ITCH: variants seen among roughly 807,000 people sequenced by gnomAD.
The protein encoded by ITCH is itchy E3 ubiquitin protein ligase.
In ITCH, 28 loss-of-function variants were observed where a neutral mutation model predicts 126.8. The observed-to-expected ratio is 0.22, with a 90% CI of 0.16 to 0.30. The LOEUF is 0.30. Among genes scored for constraint, ITCH ranks in the 10% least tolerant of loss-of-function variants. The pLI, the probability that ITCH is intolerant of heterozygous loss-of-function variation, is 1.00. For missense variants in ITCH, 631 were observed against 1,032.4 expected (o/e 0.61, Z 5.33); for synonymous variants, 342 against 340.0 (o/e 1.01, Z -0.06).
At position 34,508,530 on chromosome 20, in the gene ITCH, G is replaced by C. The variant is rs1259737302; in HGVS notation, c.*736G>C. 6.5e-6 allele frequency: 1 copy of C among 153,038 alleles called. No homozygotes were observed. Among genetic ancestry groups the C allele is most frequent in the Non-Finnish European group, 1.5e-5 (1 of 68,742 alleles). 9.5% of individuals were successfully genotyped at this position (153,038 alleles called of 1,614,324 possible). ...CATTGTTTTAAGAAGTTAACCTAGG[G>C]CCGGGCATGGTGGCTCATACCTGTA... is the stretch of plus-strand genomic sequence containing the variant. On this transcript the variant is annotated 3_prime_UTR_variant, in exon 25 of 25. Coordinates refer to ENST00000374864, the MANE Select transcript of ITCH (RefSeq NM_031483.7).
intron 24 of ITCH, among the ~76,000 whole-genome samples, chr20:34,507,250 CTT>C (rs1383383817): frequency 3.1e-4 from 35 of 112,110 alleles, no homozygotes; most frequent in Admixed American, 5.5e-4. Flanking sequence ...CTTTTCAACT[CTT>C]GTTTTCTTCT....
chr20:34,424,424 A>T, intron 6 of ITCH, 56 bp from the exon 7 acceptor site: 2 of 1,395,754 alleles, frequency 1.4e-6, no homozygotes, highest in Non-Finnish European at 2.0e-6. Flanking sequence ...AGAAAAGAAA[A>T]AACATGAAAA....
chr20:34,501,944 A>G (rs1416043564), intron 23 of ITCH, among the ~76,000 whole-genome samples: 2 of 152,172 alleles, frequency 1.3e-5, no homozygotes, highest in African/African-American at 4.8e-5. Context: ...GTGGAGAAAA[A>G]TGAGGTAGAT....
Position 34,413,622 on chromosome 20 carries a change from A to G in ITCH, c.338-120A>G, listed in dbSNP as rs1979375256. On this transcript the variant is annotated intron_variant, in intron 5 of 24. Transcript: ENST00000374864. ...TGGGTGAAACATAGTTAAACAGTTT[A>G]TATGCACATATAGTTATATTTTCTC... 8 of 875,430 alleles carry G rather than the reference A, an allele frequency of 9.1e-6. No homozygotes were observed. In the East Asian group the frequency reaches 1.6e-4, roughly 17 times the overall value. 54.2% of individuals were successfully genotyped at this position (875,430 alleles called of 1,614,324 possible). A position where few individuals can be genotyped will look rare whatever the true frequency, so the allele number is the denominator to read the frequency against.
intron 6 of ITCH, among the ~76,000 whole-genome samples, chr20:34,414,372 A>ATAAC (rs1963641939): frequency 6.6e-6 from 1 of 150,532 alleles, no homozygotes; most frequent in African/African-American, 2.4e-5. Flanking sequence ...TATGGGTTAG[A>ATAAC]TGCCACACCG....
intron 2 of ITCH, among the ~76,000 whole-genome samples, chr20:34,378,753 A>T (rs953762850): frequency 6.6e-6 from 1 of 152,154 alleles, no homozygotes. Flanking sequence ...TCATTTAATT[A>T]TAGCTGTTTT....
intron 6 of ITCH, among the ~76,000 whole-genome samples, chr20:34,415,540 A>G (rs1402745707): frequency 2.0e-5 from 3 of 152,098 alleles, no homozygotes; most frequent in Non-Finnish European, 4.4e-5. Context: ...CCTGGGTGAC[A>G]GAGTGAGACT....
chr20:34,509,632 A>G lies in ITCH; in HGVS notation c.*1838A>G, dbSNP rs1427113008. Reference sequence around the variant, plus strand: ...ATGGTTTTTTTATTTCATGTACCCCAGGAAATACTGTGTGGTTTCTAAAAG... The same window carrying G: ...ATGGTTTTTTTATTTCATGTACCCCGGGAAATACTGTGTGGTTTCTAAAAG... On this transcript the variant is annotated 3_prime_UTR_variant, in exon 25 of 25. Transcript: ENST00000374864. 1 of 152,576 alleles carries G rather than the reference A, an allele frequency of 6.6e-6. No individual in the cohort carries two copies. Among genetic ancestry groups the G allele is most frequent in the African/African-American group, 2.4e-5 (1 of 41,438 alleles). 9.5% of individuals were successfully genotyped at this position (152,576 alleles called of 1,614,324 possible). A position where few individuals can be genotyped will look rare whatever the true frequency, so the allele number is the denominator to read the frequency against.
At position 34,382,671 on chromosome 20, in the gene ITCH, G is replaced by C. The variant is rs1350123378; in HGVS notation, c.-21-11120G>C. Among the ~76,000 whole-genome samples, 6 of 151,354 alleles carry C rather than the reference G, an allele frequency of 4.0e-5. No individual in the cohort carries two copies. The East Asian group carries it at 1.2e-3, about 29-fold the overall frequency. The stretch of plus-strand genomic sequence containing the variant: ...GATCCACCTGCCTTGGCCTCCCAAA[G>C]TGCTGGGATTATAGGTGTGAGCCAC... On this transcript the variant is annotated intron_variant, in intron 2 of 24. Coordinates refer to ENST00000374864, the MANE Select transcript of ITCH (RefSeq NM_031483.7).
intron 3 of ITCH, among the ~76,000 whole-genome samples, chr20:34,404,855 C>T (rs886680531): frequency 6.6e-6 from 1 of 152,028 alleles, no homozygotes. Flanking sequence ...TTTGTTAGGC[C>T]AGGCCTGGTG....
At chr20:34,378,325 T>G (rs908918459) in intron 2 of ITCH, among the ~76,000 whole-genome samples, 4 of 151,400 alleles carry the variant, frequency 2.6e-5, no homozygotes, top group African/African-American at 9.7e-5. Context: ...ACCAAAAAAT[T>G]AGCCGGGTGG....
At chr20:34,395,164 C>T (rs527938561) in intron 3 of ITCH, among the ~76,000 whole-genome samples, 33 of 148,476 alleles carry the variant, frequency 2.2e-4, no homozygotes, top group African/African-American at 7.0e-4. Context: ...ACCTAGGAGG[C>T]GGAGGTTGCA....
chr20:34,383,617 C>T (rs1325713591), intron 2 of ITCH, among the ~76,000 whole-genome samples: 1 of 151,922 alleles, frequency 6.6e-6, no homozygotes, highest in Admixed American at 6.6e-5. Context: ...CTGCCTGCCT[C>T]GGCTTCCCAA....
intron 2 of ITCH, among the ~76,000 whole-genome samples, chr20:34,382,728 C>CTATTAT (rs374784508): frequency 0.44 from 61,291 of 139,672 alleles, 13,858 homozygotes; most frequent in Admixed American, 0.55. Flanking sequence ...TTTATTATTA[C>CTATTAT]TATTATTATT....
rs984859374 is a variant in ITCH at position 34,376,949 on chromosome 20, A to G, written c.-22+7479A>G. 2.6e-5 allele frequency among the ~76,000 whole-genome samples: 4 copies of G among 152,168 alleles called. No individual in the cohort carries two copies. The East Asian group carries it at 7.7e-4, about 29-fold the overall frequency. On this transcript the variant is annotated intron_variant, in intron 2 of 24. Coordinates refer to ENST00000374864, the MANE Select transcript of ITCH (RefSeq NM_031483.7). ...TGTACAAACTGGGATATGGGAAGAT[A>G]CTGTGTACAGGCTATATTCCTCTTT... is the stretch of plus-strand genomic sequence containing the variant.
intron 14 of ITCH, among the ~76,000 whole-genome samples, chr20:34,469,495 G>C (rs1480718239): frequency 6.6e-6 from 1 of 152,056 alleles, no homozygotes; most frequent in Non-Finnish European, 1.5e-5. Context: ...TCAACATGTT[G>C]GTCAGGCTGG....
At chr20:34,458,844 C>G (rs1427303767) in intron 13 of ITCH, among the ~76,000 whole-genome samples, 1 of 152,204 alleles carries the variant, frequency 6.6e-6, no homozygotes, top group Non-Finnish European at 1.5e-5. Flanking sequence ...GATACATCTG[C>G]AGTAACTCTG....
At chr20:34,483,421 A>G (rs1269816469) in intron 20 of ITCH, among the ~76,000 whole-genome samples, 1 of 152,216 alleles carries the variant, frequency 6.6e-6, no homozygotes, top group Non-Finnish European at 1.5e-5. Context: ...GTAGAAATTT[A>G]TTCCACCAGA....
chr20:34,385,565 G>A (rs1453776632), intron 2 of ITCH, among the ~76,000 whole-genome samples: 1 of 152,080 alleles, frequency 6.6e-6, no homozygotes, highest in African/African-American at 2.4e-5. Context: ...ATGTTTGTCA[G>A]AAAGCTGTTT....
Sources: gnomAD v4.1 joint callset for allele counts (sites outside exome capture counted in the v4.1 genomes callset) on GRCh38, gnomAD v4.1.1 for gene constraint, MANE v1.5 for transcripts, NCBI Gene and HGNC (gene_info 2026-07-23, HGNC 2026-07-21) for gene names.